CTNND2: variants seen among roughly 807,000 people sequenced by gnomAD.
The protein encoded by CTNND2 is catenin delta-2.
Under a neutral mutation model 144.4 loss-of-function variants are expected in CTNND2, and 22 were observed. The ratio of observed to expected loss-of-function variants is 0.15; its 90% CI spans 0.11 to 0.22. The LOEUF is 0.22. Among genes scored for constraint, CTNND2 ranks in the 10% least tolerant of loss-of-function variants. The pLI is 1.00. For missense variants in CTNND2, 1,353 were observed against 1,618.8 expected, an observed-to-expected ratio of 0.84 and a Z score of 2.82; for synonymous variants, 751 against 695.6, an observed-to-expected ratio of 1.08 and a Z score of -1.25.
At chr5:11,477,734 A>T (rs1036389064) in intron 3 of CTNND2, among the ~76,000 whole-genome samples, 3 of 152,132 alleles carry the variant, frequency 2.0e-5, no homozygotes, top group East Asian at 1.9e-4. Context: ...ACCCTACCAC[A>T]AAACTACTCT....
intron 16 of CTNND2, among the ~76,000 whole-genome samples, chr5:11,052,911 G>A (rs571031946): frequency 6.6e-6 from 1 of 152,176 alleles, no homozygotes; most frequent in African/African-American, 2.4e-5. Flanking sequence ...TTTTTGGTCT[G>A]TGTTCATAAT....
chr5:11,052,916 C>T (rs188871768), intron 16 of CTNND2, among the ~76,000 whole-genome samples: 2 of 152,210 alleles, frequency 1.3e-5, no homozygotes, highest in East Asian at 3.9e-4. Context: ...GGTCTGTGTT[C>T]ATAATGCTTT....
chr5:11,392,924 A>G (rs1759759516), intron 6 of CTNND2, among the ~76,000 whole-genome samples: 1 of 152,136 alleles, frequency 6.6e-6, no homozygotes, highest in African/African-American at 2.4e-5. Context: ...AGCTGTCTTT[A>G]CCACCCTTTT....
At chr5:11,225,630 G>A (rs1740250527) in intron 10 of CTNND2, among the ~76,000 whole-genome samples, 1 of 152,076 alleles carries the variant, frequency 6.6e-6, no homozygotes, top group East Asian at 1.9e-4. Flanking sequence ...CTTCTCCTCT[G>A]ATATTAATAA....
intron 15 of CTNND2, among the ~76,000 whole-genome samples, chr5:11,093,405 A>C (rs1338304016): frequency 6.6e-6 from 1 of 152,250 alleles, no homozygotes; most frequent in Non-Finnish European, 1.5e-5. Context: ...AAGGTAACTG[A>C]AGTCCATGTT....
At chr5:11,827,390 C>G (rs971389407) in intron 1 of CTNND2, among the ~76,000 whole-genome samples, 1 of 152,112 alleles carries the variant, frequency 6.6e-6, no homozygotes, top group Admixed American at 6.5e-5. Flanking sequence ...AGTCAAGAAT[C>G]TAAACTTCTA....
At chr5:11,363,356 G>C (rs1392881382) in intron 8 of CTNND2, among the ~76,000 whole-genome samples, 2 of 152,046 alleles carry the variant, frequency 1.3e-5, no homozygotes, top group African/African-American at 4.8e-5. Flanking sequence ...TCTTTTGTCA[G>C]TTTTTATTCA....
At chr5:11,514,585 T>G (rs1771991941) in intron 3 of CTNND2, among the ~76,000 whole-genome samples, 1 of 152,226 alleles carries the variant, frequency 6.6e-6, no homozygotes, top group Admixed American at 6.5e-5. Context: ...GTCCAAAATA[T>G]AAAAATTTCT....
At chr5:11,547,809 A>C (rs1775373667) in intron 3 of CTNND2, among the ~76,000 whole-genome samples, 2 of 152,230 alleles carry the variant, frequency 1.3e-5, no homozygotes, top group African/African-American at 4.8e-5. Context: ...AACTTTGCAC[A>C]AGTACTTTTG....
intron 12 of CTNND2, among the ~76,000 whole-genome samples, chr5:11,136,923 T>C (rs1756211606): frequency 1.3e-5 from 2 of 152,256 alleles, no homozygotes; most frequent in South Asian, 4.1e-4. Context: ...CTGACCAGGC[T>C]AAATTCATTG....
intron 9 of CTNND2, among the ~76,000 whole-genome samples, chr5:11,271,705 AAATATCTCATAT>A (rs1375651958): frequency 1.3e-5 from 2 of 152,210 alleles, no homozygotes; most frequent in Non-Finnish European, 2.9e-5. Flanking sequence ...TTGTACCTTT[AAATATCTCATAT>A]CATCTGCAAA....
Position 11,279,339 on chromosome 5 carries a change from A to G in CTNND2, c.1629-42516T>C, listed in dbSNP as rs1401025186. Among the ~76,000 whole-genome samples, 3 of 152,160 alleles carry G rather than the reference A, an allele frequency of 2.0e-5. No individual in the cohort carries two copies. The East Asian group carries it at 5.8e-4, about 29-fold the overall frequency. On this transcript the variant is annotated intron_variant, in intron 9 of 21. Transcript: ENST00000304623. ...AATTAATGGCAACCCATCCCTGCCTAAAGCCTATATTCAACCCATCAACAC... is the reference window on the plus strand; with the variant it reads ...AATTAATGGCAACCCATCCCTGCCTGAAGCCTATATTCAACCCATCAACAC...
At chr5:11,284,317 A>G (rs900745112) in intron 9 of CTNND2, among the ~76,000 whole-genome samples, 3 of 152,010 alleles carry the variant, frequency 2.0e-5, no homozygotes, top group African/African-American at 7.3e-5. Flanking sequence ...GGTTTGTTAC[A>G]TATGTAAATG....
chr5:11,838,941 A>G (rs887718677), intron 1 of CTNND2, among the ~76,000 whole-genome samples: 1 of 152,240 alleles, frequency 6.6e-6, no homozygotes, highest in African/African-American at 2.4e-5. Context: ...CAAAGTTAGA[A>G]GAAGTAACCC....
intron 13 of CTNND2, among the ~76,000 whole-genome samples, chr5:11,116,983 C>T (rs766690070): frequency 1.3e-4 from 19 of 151,948 alleles, no homozygotes; most frequent in Non-Finnish European, 2.6e-4. Flanking sequence ...CACTTGATCC[C>T]AGGAGGTGGA....
chr5:11,570,286 T>A (rs1777456834), intron 2 of CTNND2, among the ~76,000 whole-genome samples: 1 of 152,202 alleles, frequency 6.6e-6, no homozygotes, highest in Non-Finnish European at 1.5e-5. Context: ...TCTCTCCATC[T>A]TCAGGCGGGA....
intron 9 of CTNND2, among the ~76,000 whole-genome samples, chr5:11,258,104 C>T (rs963725446): frequency 2.6e-5 from 4 of 152,162 alleles, no homozygotes; most frequent in African/African-American, 7.2e-5. Context: ...CCCTGAGTGC[C>T]GTGTTGGCAG....
intron 10 of CTNND2, among the ~76,000 whole-genome samples, chr5:11,217,878 G>A (rs1311626189): frequency 6.6e-6 from 1 of 152,050 alleles, no homozygotes; most frequent in Non-Finnish European, 1.5e-5. Flanking sequence ...TTGCTATTTG[G>A]GTAAAGCAGT....
At position 11,394,775 on chromosome 5, in the gene CTNND2, C is replaced by T. The variant is rs61749808; in HGVS notation, c.612+2256G>A. Among the ~76,000 whole-genome samples the T allele has an allele frequency of 2.3e-3, 351 of 152,198 alleles. 1 individual carries two copies. Among genetic ancestry groups the T allele is most frequent in the African/African-American group, 7.7e-3 (321 of 41,520 alleles). On this transcript the variant is annotated intron_variant, in intron 6 of 21. Coordinates refer to ENST00000304623, the MANE Select transcript of CTNND2 (RefSeq NM_001332.4). Reference sequence around the variant, plus strand: ...ATGATCACTGAATAAGCATTTATTACGCTGAATAGAGATTTTTAAATACTG... The same window carrying T: ...ATGATCACTGAATAAGCATTTATTATGCTGAATAGAGATTTTTAAATACTG...
Sources: allele counts gnomAD v4.1 joint callset (sites outside exome capture counted in the v4.1 genomes callset), GRCh38; gene constraint gnomAD v4.1.1; transcripts MANE v1.5; gene names NCBI Gene and HGNC (gene_info 2026-07-23, HGNC 2026-07-21).